Variants in IL1RAPL2 observed in about 807,000 individuals in gnomAD.
The protein encoded by IL1RAPL2 is X-linked interleukin-1 receptor accessory protein-like 2.
In IL1RAPL2, 3 loss-of-function variants were observed where a neutral mutation model predicts 44.1. That is an observed-to-expected ratio of 0.07 (90% CI 0.03 to 0.18). The LOEUF (loss-of-function observed/expected upper bound fraction) is 0.18, where lower values mean the gene tolerates loss of function less well. IL1RAPL2 is among the 10% of genes least tolerant of loss of function. The pLI is 1.00. For synonymous variants in IL1RAPL2, 181 were observed against 178.8 expected (o/e 1.01, Z -0.10); for missense variants, 391 against 496.4 (o/e 0.79, Z 2.02).
At chrX:105,709,055 T>C (rs1270746515) in intron 6 of IL1RAPL2, among the ~76,000 whole-genome samples, 1 of 112,306 alleles carries the variant, frequency 8.9e-6, no homozygotes, top group Non-Finnish European at 1.9e-5. Flanking sequence ...GCTAGTATAG[T>C]GAGTTAATAT....
At chrX:105,304,806 A>G (rs2034722362) in intron 5 of IL1RAPL2, among the ~76,000 whole-genome samples, 1 of 112,014 alleles carries the variant, frequency 8.9e-6, no homozygotes, top group African/African-American at 3.2e-5. Flanking sequence ...TGTTTTGCTC[A>G]ATGGATATTG....
At chrX:105,099,551 G>A (rs1316433473) in intron 2 of IL1RAPL2, among the ~76,000 whole-genome samples, 1 of 90,402 alleles carries the variant, frequency 1.1e-5, no homozygotes, top group Non-Finnish European at 2.1e-5. Flanking sequence ...TGCAAGCTCC[G>A]CCTCCCGGGT....
intron 2 of IL1RAPL2, among the ~76,000 whole-genome samples, chrX:104,865,285 C>T (rs1204329286): frequency 8.9e-6 from 1 of 111,985 alleles, no homozygotes; most frequent in African/African-American, 3.2e-5. Flanking sequence ...TTCAGATCAG[C>T]ATTTAAGTGT....
chrX:104,686,979 C>T (rs1269367478), intron 2 of IL1RAPL2, among the ~76,000 whole-genome samples: 1 of 112,278 alleles, frequency 8.9e-6, no homozygotes, highest in African/African-American at 3.2e-5. Flanking sequence ...AGACTTCCTT[C>T]AGTGCTTGCA....
chrX:105,723,341 G>T (rs1025585094), intron 7 of IL1RAPL2, among the ~76,000 whole-genome samples: 4 of 111,399 alleles, frequency 3.6e-5, no homozygotes, highest in African/African-American at 1.3e-4. Context: ...TCAATATTCT[G>T]ATCATGACCA....
intron 1 of IL1RAPL2, among the ~76,000 whole-genome samples, chrX:104,571,483 G>A (rs1319064919): frequency 9.0e-6 from 1 of 111,289 alleles, no homozygotes; most frequent in African/African-American, 3.3e-5. Flanking sequence ...TTGAATCATG[G>A]GGATGGTTTC....
At chrX:105,002,938 T>C (rs2030877689) in intron 2 of IL1RAPL2, among the ~76,000 whole-genome samples, 1 of 111,543 alleles carries the variant, frequency 9.0e-6, no homozygotes, top group Non-Finnish European at 1.9e-5. Flanking sequence ...GGTTTTTTCA[T>C]GTACCAGAGA....
intron 2 of IL1RAPL2, among the ~76,000 whole-genome samples, chrX:104,790,798 G>A (rs1932821702): frequency 9.0e-6 from 1 of 110,969 alleles, no homozygotes; most frequent in Non-Finnish European, 1.9e-5. Context: ...TGGTTTATTA[G>A]GAGAAATTTC....
At chrX:104,781,243 C>T (rs1269987168) in intron 2 of IL1RAPL2, among the ~76,000 whole-genome samples, 8 of 110,651 alleles carry the variant, frequency 7.2e-5, no homozygotes, top group Non-Finnish European at 3.8e-5. Flanking sequence ...TATAATATCC[C>T]TAGTATATTT....
chrX:104,577,698 CAA>C (rs1569487027), intron 1 of IL1RAPL2, among the ~76,000 whole-genome samples: 1 of 110,762 alleles, frequency 9.0e-6, no homozygotes. Flanking sequence ...GAGGAGGACA[CAA>C]GAGCAGGGTG....
At chrX:104,635,854 T>C (rs1422092450) in intron 1 of IL1RAPL2, among the ~76,000 whole-genome samples, 2 of 112,370 alleles carry the variant, frequency 1.8e-5, no homozygotes, top group African/African-American at 6.5e-5. Context: ...GTCAAAGTCA[T>C]TCTCCGTCCA....
At chrX:104,971,029 A>G (rs1207259380) in intron 2 of IL1RAPL2, among the ~76,000 whole-genome samples, 1 of 112,019 alleles carries the variant, frequency 8.9e-6, no homozygotes, top group Non-Finnish European at 1.9e-5. Flanking sequence ...AAGGCCAAAG[A>G]TTAGTAATAA....
intron 3 of IL1RAPL2, among the ~76,000 whole-genome samples, chrX:105,200,477 A>G (rs113258687): frequency 0.013 from 1,487 of 112,434 alleles, 28 homozygotes; most frequent in African/African-American, 0.046. Context: ...GCATGAATTA[A>G]TAGGATAAAA....
intron 2 of IL1RAPL2, among the ~76,000 whole-genome samples, chrX:104,674,268 G>A (rs1405314402): frequency 2.7e-5 from 3 of 111,604 alleles, no homozygotes; most frequent in South Asian, 3.8e-4. Context: ...TTTGAAATAC[G>A]TCCCATCATT....
intron 2 of IL1RAPL2, among the ~76,000 whole-genome samples, chrX:104,930,378 T>C (rs888745966): frequency 8.9e-6 from 1 of 112,293 alleles, no homozygotes; most frequent in Non-Finnish European, 1.9e-5. Flanking sequence ...TTAGTCTGTA[T>C]GACTTGAGAG....
chrX:104,885,475 C>A (rs1243329464), intron 2 of IL1RAPL2, among the ~76,000 whole-genome samples: 8 of 111,628 alleles, frequency 7.2e-5, no homozygotes, highest in African/African-American at 2.6e-4. Context: ...AAATATACTC[C>A]CCTGTCACCC....
rs1053062673 is a variant in IL1RAPL2, at chrX:105,209,868, G to A, written c.356+14120G>A. Among the ~76,000 whole-genome samples the A allele has an allele frequency of 2.7e-5, 3 of 111,674 alleles. No homozygotes were observed. The South Asian group carries it at 1.2e-3, about 43-fold the overall frequency. ...GTTATGAAAACAATTTGTACGACCA[G>A]AGAGATAAGTGTCTGGTTCCCTTCC... On this transcript the variant is annotated intron_variant, in intron 3 of 10. Coordinates refer to ENST00000372582, the MANE Select transcript of IL1RAPL2 (RefSeq NM_017416.2).
Position 105,517,225 on chromosome X carries a change from C to T in IL1RAPL2, c.772+32838C>T, listed in dbSNP as rs906344544. On this transcript the variant is annotated intron_variant, in intron 6 of 10. Coordinates refer to ENST00000372582, the MANE Select transcript of IL1RAPL2 (RefSeq NM_017416.2). ...CCACAGATCATTCTCTCAAGAAACT[C>T]ACTGTCTAGTGTTAGTAGAAAAGAC... Among the ~76,000 whole-genome samples the T allele has an allele frequency of 2.7e-5, 3 of 111,802 alleles. No homozygotes were observed. The East Asian group carries it at 8.5e-4, about 32-fold the overall frequency.
Position 105,323,445 on chromosome X carries a change from C to A in IL1RAPL2, c.697+55904C>A, listed in dbSNP as rs769155781. Among the ~76,000 whole-genome samples the A allele has an allele frequency of 4.0e-4, 45 of 111,748 alleles. 1 individual carries two copies. Among genetic ancestry groups the A allele is most frequent in the African/African-American group, 1.5e-3 (45 of 30,780 alleles). The stretch of plus-strand genomic sequence containing the variant: ...AATTTGGATATTAGTTGGGGACAGA[C>A]AATCATCAGTGCTGTGCGCATTATA... On this transcript the variant is annotated intron_variant, in intron 5 of 10. Transcript: ENST00000372582.
Sources: gnomAD v4.1 joint callset for allele counts (sites outside exome capture counted in the v4.1 genomes callset) on GRCh38, gnomAD v4.1.1 for gene constraint, MANE v1.5 for transcripts, NCBI Gene and HGNC (gene_info 2026-07-23, HGNC 2026-07-21) for gene names.